The following YWHAZ variants were observed in gnomAD, a reference collection of about 807,000 sequenced individuals.
YWHAZ encodes 14-3-3 protein zeta/delta.
For synonymous variants in YWHAZ, 87 were observed against 103.6 expected, an observed-to-expected ratio of 0.84 and a Z score of 0.97; for missense variants, 79 against 284.8, an observed-to-expected ratio of 0.28 and a Z score of 5.20.
chr8:100,926,329 AATT>A (rs1293282644), intron 2 of YWHAZ, among the ~76,000 whole-genome samples: 6 of 152,176 alleles, frequency 3.9e-5, no homozygotes, highest in Admixed American at 3.3e-4. Context: ...TGTTTCCTGC[AATT>A]ATTAACCGAT....
chr8:100,942,530 T>C (rs923969501), intron 2 of YWHAZ, among the ~76,000 whole-genome samples: 1 of 152,194 alleles, frequency 6.6e-6, no homozygotes, highest in East Asian at 1.9e-4. Flanking sequence ...TATCAAAGCA[T>C]ATACTCCTTC....
intron 1 of YWHAZ, chr8:100,950,428 G>A (rs924735864): frequency 1.4e-5 from 14 of 985,480 alleles, no homozygotes; most frequent in African/African-American, 1.7e-5. Context: ...GTCGGTTACT[G>A]TGAAACGAAA....
chr8:100,925,571 A>T (rs559177866), intron 2 of YWHAZ, among the ~76,000 whole-genome samples: 5 of 152,216 alleles, frequency 3.3e-5, no homozygotes, highest in Non-Finnish European at 7.4e-5. Context: ...CACAACAGAT[A>T]AAAAAACCGT....
rs1481726850 is a variant in YWHAZ, at chr8:100,922,265, ATTTC to A, written c.679-1517_679-1514del. On this transcript the variant is annotated intron_variant, in intron 5 of 5. Coordinates refer to ENST00000395958, the MANE Select transcript of YWHAZ (RefSeq NM_145690.3). This position sits in a 1 kb window ranked among gnomAD's most constrained non-coding sequence, Gnocchi z 4.1. ...GAATGAAATATTAAGTTTTGGGATA[ATTTC>A]TTTTCTTGACAGATAAATGTTCCAA... 6.6e-6 allele frequency among the ~76,000 whole-genome samples: 1 copy of A among 152,198 alleles called. No individual in the cohort carries two copies. The highest frequency in any genetic ancestry group is 2.4e-5 in the African/African-American group (1 of 41,446).
intron 2 of YWHAZ, among the ~76,000 whole-genome samples, chr8:100,943,524 CAG>C (rs1163813277): frequency 1.1e-4 from 16 of 152,166 alleles, no homozygotes; most frequent in Admixed American, 7.9e-4. Flanking sequence ...ATTATAAAGA[CAG>C]AGCTAGTTTC....
intron 1 of YWHAZ, chr8:100,951,479 C>T (rs1378106883): frequency 3.7e-5 from 36 of 985,772 alleles, no homozygotes; most frequent in Non-Finnish European, 3.7e-5. Context: ...ATGCCCGCCG[C>T]CGCCGCCGCC....
chr8:100,946,819 G>C (rs1810314211), intron 2 of YWHAZ, among the ~76,000 whole-genome samples: 1 of 149,968 alleles, frequency 6.7e-6, no homozygotes, highest in African/African-American at 2.5e-5. Flanking sequence ...TGTAATAATT[G>C]GGAAAAACAC....
At chr8:100,930,231 C>T (rs1048619271) in intron 2 of YWHAZ, among the ~76,000 whole-genome samples, 5 of 152,130 alleles carry the variant, frequency 3.3e-5, no homozygotes, top group East Asian at 1.9e-4. Context: ...CCCGAGTAGC[C>T]GGGACTGCAG....
intron 2 of YWHAZ, among the ~76,000 whole-genome samples, chr8:100,928,971 G>A (rs2130166115): frequency 6.6e-6 from 1 of 152,274 alleles, no homozygotes; most frequent in Middle Eastern, 3.4e-3. Flanking sequence ...ACTGGAACCT[G>A]CTCAGTGAAT....
intron 2 of YWHAZ, among the ~76,000 whole-genome samples, chr8:100,942,132 T>C (rs1809913301): frequency 1.3e-5 from 2 of 152,220 alleles, no homozygotes; most frequent in African/African-American, 4.8e-5. Context: ...GCTGAAACTT[T>C]TTAATAACCT....
chr8:100,934,691 CA>C (rs574013024), intron 2 of YWHAZ, among the ~76,000 whole-genome samples: 1 of 152,052 alleles, frequency 6.6e-6, no homozygotes, highest in African/African-American at 2.4e-5. Flanking sequence ...CTCCAAAAAA[CA>C]AAAGAGTAAG....
At chr8:100,943,026 G>C (rs1341070163) in intron 2 of YWHAZ, among the ~76,000 whole-genome samples, 1 of 152,156 alleles carries the variant, frequency 6.6e-6, no homozygotes. Context: ...GTAAAGGATA[G>C]GGAACCAATG....
At chr8:100,936,295 C>T (rs1032334642) in intron 2 of YWHAZ, among the ~76,000 whole-genome samples, 4 of 152,178 alleles carry the variant, frequency 2.6e-5, no homozygotes, top group Admixed American at 6.5e-5. Flanking sequence ...TAACCTTTGA[C>T]AAAGTAATCA....
chr8:100,941,554 G>A (rs1025473998), intron 2 of YWHAZ, among the ~76,000 whole-genome samples: 8 of 152,192 alleles, frequency 5.3e-5, no homozygotes, highest in Non-Finnish European at 1.0e-4. Flanking sequence ...GGAGGCCGGG[G>A]TGGGTGGATC....
intron 2 of YWHAZ, among the ~76,000 whole-genome samples, chr8:100,944,210 T>C (rs919643657): frequency 6.6e-6 from 1 of 152,160 alleles, no homozygotes; most frequent in African/African-American, 2.4e-5. Flanking sequence ...GTGATTTTCA[T>C]CTTAAAAACT....
chr8:100,927,465 A>G (rs1262466800), intron 2 of YWHAZ, among the ~76,000 whole-genome samples: 1 of 152,186 alleles, frequency 6.6e-6, no homozygotes, highest in Non-Finnish European at 1.5e-5. Context: ...TTGAGGCTGC[A>G]GTGATCTGTA....
chr8:100,925,844 G>A (rs1813325027), intron 2 of YWHAZ, among the ~76,000 whole-genome samples: 1 of 152,182 alleles, frequency 6.6e-6, no homozygotes, highest in Non-Finnish European at 1.5e-5. Context: ...GTTGGGGATG[G>A]GAAGAAGTCT....
intron 2 of YWHAZ, among the ~76,000 whole-genome samples, chr8:100,937,767 T>C (rs973821424): frequency 2.0e-5 from 3 of 152,154 alleles, no homozygotes; most frequent in African/African-American, 4.8e-5. Context: ...AAGGTTGAGG[T>C]AGCAAGTAAC....
rs999294449 is a variant in YWHAZ at position 100,918,862 on chromosome 8, G to C, written c.*1831C>G. The C allele has an allele frequency of 6.6e-6, 1 of 152,474 alleles. No homozygotes were observed. Among genetic ancestry groups the C allele is most frequent in the Non-Finnish European group, 1.5e-5 (1 of 68,018 alleles). 9.4% of individuals were successfully genotyped at this position (152,474 alleles called of 1,614,324 possible). On this transcript the variant is annotated 3_prime_UTR_variant, in exon 6 of 6. Transcript: ENST00000395958. ...CTTTTTTAAAATGGCATTTTTGTTT[G>C]GTGTTTTCTGCAAAGTACTGAGGAA...
Sources: allele counts gnomAD v4.1 joint callset (sites outside exome capture counted in the v4.1 genomes callset), GRCh38; gene constraint gnomAD v4.1.1; non-coding constraint Gnocchi (gnomAD v3.1); transcripts MANE v1.5; gene names NCBI Gene and HGNC (gene_info 2026-07-23, HGNC 2026-07-21).